AGBL1: variants seen among roughly 807,000 people sequenced by gnomAD.
AGBL1 encodes AGBL carboxypeptidase 1.
In AGBL1, 130 loss-of-function variants were observed where a neutral mutation model predicts 118.9. The ratio of observed to expected loss-of-function variants is 1.09; its 90% CI spans 0.95 to 1.26. The LOEUF (loss-of-function observed/expected upper bound fraction) is 1.26. Ranked by LOEUF, AGBL1 falls within the 50% of genes most tolerant of loss-of-function variation. The pLI, the probability that AGBL1 is intolerant of heterozygous loss-of-function variation, is 0.00. For missense variants in AGBL1, 1,584 were observed against 1,298.1 expected (o/e 1.22, Z -3.38); for synonymous variants, 555 against 478.9 (o/e 1.16, Z -2.08).
At chr15:86,206,739 A>T (rs551338751) in intron 5 of AGBL1, among the ~76,000 whole-genome samples, 35 of 152,032 alleles carry the variant, frequency 2.3e-4, no homozygotes, top group African/African-American at 8.2e-4. Context: ...GATTGCAAAA[A>T]TTTTCTCCCA....
intron 22 of AGBL1, among the ~76,000 whole-genome samples, chr15:86,857,117 G>A (rs2079494256): frequency 6.6e-6 from 1 of 152,148 alleles, no homozygotes; most frequent in Non-Finnish European, 1.5e-5. Context: ...TACGTTTTAT[G>A]TGCTTAATCC....
chr15:86,174,837 G>A (rs1597494420), intron 5 of AGBL1, among the ~76,000 whole-genome samples: 1 of 151,958 alleles, frequency 6.6e-6, no homozygotes, highest in Non-Finnish European at 1.5e-5. Flanking sequence ...TGCACTCCTG[G>A]GTTAAATCCC....
intron 19 of AGBL1, among the ~76,000 whole-genome samples, chr15:86,540,277 G>T (rs759508138): frequency 1.3e-5 from 2 of 152,118 alleles, no homozygotes; most frequent in Non-Finnish European, 2.9e-5. Context: ...AATATTTGTT[G>T]AATCAATTGA....
At chr15:86,203,124 A>G (rs887719252) in intron 5 of AGBL1, among the ~76,000 whole-genome samples, 1 of 152,134 alleles carries the variant, frequency 6.6e-6, no homozygotes, top group Middle Eastern at 3.2e-3. Flanking sequence ...GATGATGATG[A>G]TGATGATGAT....
Position 86,816,316 on chromosome 15 carries a change from G to A in AGBL1, c.3159-90771G>A, listed in dbSNP as rs565349427. Among the ~76,000 whole-genome samples, 10 of 152,348 alleles carry A rather than the reference G, an allele frequency of 6.6e-5. No individual in the cohort carries two copies. In the East Asian group the frequency reaches 1.5e-3, roughly 24 times the overall value. ...AGAAAGTGAAGAAGGCAGGTGGCCA[G>A]CTGTGATACACCGCAGAATAGTGAG... On this transcript the variant is annotated intron_variant, in intron 22 of 22. Transcript: ENST00000614907.
chr15:86,339,848 C>T (rs1003112907), intron 17 of AGBL1, among the ~76,000 whole-genome samples: 1 of 152,040 alleles, frequency 6.6e-6, no homozygotes, highest in African/African-American at 2.4e-5. Context: ...ATGCCTTAAT[C>T]CCAGCTACTC....
chr15:86,194,071 A>G (rs12595358), intron 5 of AGBL1, among the ~76,000 whole-genome samples: 34,305 of 151,922 alleles, frequency 0.23, 4,267 homozygotes, highest in East Asian at 0.37. Flanking sequence ...CCGTTTTTTA[A>G]TTTCTTCCTT....
intron 16 of AGBL1, among the ~76,000 whole-genome samples, chr15:86,280,747 C>T (rs2079338741): frequency 6.6e-6 from 1 of 152,142 alleles, no homozygotes; most frequent in African/African-American, 2.4e-5. Flanking sequence ...AAGGAATGTG[C>T]AGGTATAAAT....
intron 21 of AGBL1, among the ~76,000 whole-genome samples, chr15:86,581,108 T>C (rs536712074): frequency 3.9e-5 from 6 of 152,170 alleles, no homozygotes; most frequent in Non-Finnish European, 7.4e-5. Flanking sequence ...AGAAAAATTA[T>C]GGAACTTGAT....
intron 18 of AGBL1, among the ~76,000 whole-genome samples, chr15:86,474,511 G>A (rs529550175): frequency 8.5e-5 from 13 of 152,302 alleles, no homozygotes; most frequent in African/African-American, 2.9e-4. Context: ...ACTGCAAGGC[G>A]GCAGCAAGCC....
intron 23 of AGBL1, among the ~76,000 whole-genome samples, chr15:86,922,199 T>C (rs1005471582): frequency 2.0e-5 from 3 of 152,250 alleles, no homozygotes; most frequent in African/African-American, 7.2e-5. Context: ...AGTGCCTTAA[T>C]ATTATTAGTA....
chr15:86,165,868 A>G (rs1000810966), intron 5 of AGBL1, among the ~76,000 whole-genome samples: 1 of 152,188 alleles, frequency 6.6e-6, no homozygotes, highest in Non-Finnish European at 1.5e-5. Flanking sequence ...TAGCAGAGTT[A>G]TTATTGCATC....
chr15:86,370,973 A>T (rs2080963549), intron 17 of AGBL1, among the ~76,000 whole-genome samples: 1 of 152,204 alleles, frequency 6.6e-6, no homozygotes, highest in Non-Finnish European at 1.5e-5. Context: ...GGTTCAGAGC[A>T]GTGCTCAAGC....
intron 18 of AGBL1, among the ~76,000 whole-genome samples, chr15:86,438,175 G>A (rs2082021406): frequency 6.6e-6 from 1 of 152,026 alleles, no homozygotes; most frequent in Admixed American, 6.6e-5. Flanking sequence ...CAAAGTGCTG[G>A]GACAACAGGT....
rs544449901 is a variant in AGBL1 at position 86,214,328 on chromosome 15, A to T, written c.489-10586A>T. 4.6e-5 allele frequency among the ~76,000 whole-genome samples: 7 copies of T among 152,350 alleles called. No individual in the cohort carries two copies. In the South Asian group the frequency reaches 1.4e-3, roughly 32 times the overall value. On this transcript the variant is annotated intron_variant, in intron 5 of 22. Transcript: ENST00000614907. ...ATCATAGGTACATTTGACTTATAAG[A>T]GTTCAACTAAGTGTGTGGTATAGTG...
intron 22 of AGBL1, among the ~76,000 whole-genome samples, chr15:86,854,602 T>G (rs530168301): frequency 6.6e-6 from 1 of 152,330 alleles, no homozygotes; most frequent in Admixed American, 6.5e-5. Flanking sequence ...ATCCTTTGCC[T>G]GAGCCAGTTT....
At chr15:86,823,461 C>T (rs1013543361) in intron 22 of AGBL1, among the ~76,000 whole-genome samples, 2 of 152,170 alleles carry the variant, frequency 1.3e-5, no homozygotes, top group Admixed American at 1.3e-4. Flanking sequence ...AATGCTTATA[C>T]ACTTCAAGAG....
intron 16 of AGBL1, among the ~76,000 whole-genome samples, chr15:86,292,826 G>C (rs62015564): frequency 0.033 from 5,049 of 152,178 alleles, 113 homozygotes; most frequent in Middle Eastern, 0.071. Context: ...AGAGTTGATG[G>C]GATATTCCTG....
chr15:86,957,595 A>G (rs2080943412), intron 23 of AGBL1, among the ~76,000 whole-genome samples: 1 of 152,122 alleles, frequency 6.6e-6, no homozygotes. Flanking sequence ...TCAATTACAT[A>G]TAAAACAGAA....
Sources: gnomAD v4.1 joint callset for allele counts (sites outside exome capture counted in the v4.1 genomes callset) on GRCh38, gnomAD v4.1.1 for gene constraint, MANE v1.5 for transcripts, NCBI Gene and HGNC (gene_info 2026-07-23, HGNC 2026-07-21) for gene names.